GABRA6: variants seen among roughly 807,000 people sequenced by gnomAD.
GABRA6 encodes gamma-aminobutyric acid type A receptor subunit alpha6, also known as gamma-aminobutyric acid receptor subunit alpha-6.
Under a neutral mutation model 47.3 loss-of-function variants are expected in GABRA6, and 45 were observed. The observed-to-expected ratio is 0.95, with a 90% CI of 0.75 to 1.22. The LOEUF (loss-of-function observed/expected upper bound fraction) is 1.22, where lower values mean the gene tolerates loss of function less well. Among genes scored for constraint, GABRA6 ranks in the 50% most tolerant of loss-of-function variants. The pLI, the probability that GABRA6 is intolerant of heterozygous loss-of-function variation, is 0.00. For missense variants in GABRA6, 583 were observed against 549.3 expected, an observed-to-expected ratio of 1.06 and a Z score of -0.61; for synonymous variants, 219 against 194.7, an observed-to-expected ratio of 1.12 and a Z score of -1.04.
At chr5:161,690,100 C>T (rs935929919) in intron 6 of GABRA6, 101 bp from the exon 7 acceptor site, 28 of 1,113,258 alleles carry the variant, frequency 2.5e-5, no homozygotes, top group Non-Finnish European at 3.7e-5. Context: ...TTGTTTTCTT[C>T]CAGTCAATGT....
chr5:161,685,901 A>G lies in GABRA6; in HGVS notation c.-89A>G. 3 of 1,046,152 alleles carry G rather than the reference A, an allele frequency of 2.9e-6. No individual in the cohort carries two copies. The highest frequency in any genetic ancestry group is 4.5e-6 in the Non-Finnish European group (3 of 660,900). 64.8% of individuals were successfully genotyped at this position (1,046,152 alleles called of 1,614,324 possible). On this transcript the variant is annotated 5_prime_UTR_variant, in exon 1 of 9. Transcript: ENST00000274545. ...GGAACAGAGATATGAAGGGTTTGAA[A>G]GATTTCTCCAGTTGATTGGCAGAGA...
intron 3 of GABRA6, 75 bp from the exon 4 acceptor site, chr5:161,688,874 G>C (rs1419157671): frequency 8.1e-7 from 1 of 1,230,394 alleles, no homozygotes; most frequent in Admixed American, 1.7e-5. Context: ...TTGAGATTGG[G>C]TGTATAGGCT....
chr5:161,687,613 G>T (rs1332919443), intron 3 of GABRA6: 1 of 443,766 alleles, frequency 2.3e-6, no homozygotes, highest in African/African-American at 2.0e-5. Context: ...GTGTATCATG[G>T]TATTCTTTTA....
intron 8 of GABRA6, among the ~76,000 whole-genome samples, chr5:161,701,143 G>A (rs754416938): frequency 2.0e-4 from 31 of 152,088 alleles, no homozygotes; most frequent in African/African-American, 7.2e-4. Flanking sequence ...CAAACCCATT[G>A]CCCTACAGAC....
At chr5:161,691,149 C>A (rs1294360791) in intron 7 of GABRA6, among the ~76,000 whole-genome samples, 2 of 151,696 alleles carry the variant, frequency 1.3e-5, no homozygotes, top group African/African-American at 4.8e-5. Context: ...AAATATTATA[C>A]CTTAAAATCT....
chr5:161,694,551 C>T (rs1352867871), intron 8 of GABRA6, among the ~76,000 whole-genome samples: 1 of 152,002 alleles, frequency 6.6e-6, no homozygotes, highest in Non-Finnish European at 1.5e-5. Context: ...TTGATATAAA[C>T]TGTCTCCTAT....
chr5:161,689,056 C>T lies in GABRA6; in HGVS notation c.333C>T (p.Ile111=). The T allele has an allele frequency of 1.2e-6, 2 of 1,614,006 alleles. No homozygotes were observed. Among genetic ancestry groups the T allele is most frequent in the South Asian group, 2.2e-5 (2 of 91,068 alleles). ...TGAATAATTTGATGGTCAGTAAAAT[C>T]TGGACGCCTGACACCTTTTTCAGAA... is the stretch of plus-strand genomic sequence containing the variant. The part of the protein sequence containing the change: ...LSLNNLMVSK[I]WTPDTFFRNG... The change falls in exon 4 of 9, where the codon ATC becomes ATT. Residue 111 remains isoleucine, a synonymous_variant. Coordinates refer to ENST00000274545, the MANE Select transcript of GABRA6 (RefSeq NM_000811.3).
chr5:161,697,009 G>A (rs1481064917), intron 8 of GABRA6, among the ~76,000 whole-genome samples: 1 of 152,150 alleles, frequency 6.6e-6, no homozygotes, highest in African/African-American at 2.4e-5. Flanking sequence ...ATAAAAATCT[G>A]TCTAAATACT....
chr5:161,686,195 C>A, intron 1 of GABRA6, 35 bp from the exon 2 acceptor site: 1 of 1,525,290 alleles, frequency 6.6e-7, no homozygotes, highest in Non-Finnish European at 9.1e-7. Context: ...CTTCTCTGAG[C>A]CTGGGAGTAA....
At chr5:161,687,576 A>G (rs1161856175) in intron 3 of GABRA6, 2 of 453,924 alleles carry the variant, frequency 4.4e-6, no homozygotes, top group Non-Finnish European at 4.4e-6. Flanking sequence ...GTAGCAATGA[A>G]AACTTGAACT....
At chr5:161,701,227 G>A (rs1030265050) in intron 8 of GABRA6, among the ~76,000 whole-genome samples, 1 of 152,126 alleles carries the variant, frequency 6.6e-6, no homozygotes, top group Non-Finnish European at 1.5e-5. Context: ...GCTTACCGTA[G>A]TTCTATGACA....
At chr5:161,692,350 T>C in intron 8 of GABRA6, 150 bp downstream of exon 8, 1 of 885,772 alleles carries the variant, frequency 1.1e-6, no homozygotes, top group East Asian at 2.6e-5. Flanking sequence ...CTGTTCCAAC[T>C]TCACAGAGAA....
intron 1 of GABRA6, 29 bp downstream of exon 1, chr5:161,686,056 C>A (rs776338909): frequency 1.3e-5 from 21 of 1,608,216 alleles, no homozygotes; most frequent in Non-Finnish European, 4.3e-6. Flanking sequence ...CCTGATTTTT[C>A]TTTTTATCTC....
rs1470091634 is a variant in GABRA6, at chr5:161,690,355, T to C, written c.826+2T>C. On this transcript the variant is annotated splice_donor_variant, in intron 7 of 8. Coordinates refer to ENST00000274545, the MANE Select transcript of GABRA6 (RefSeq NM_000811.3). LOFTEE classifies it high-confidence loss of function. ...CCGTCCCAGCAAGAACTGTTTTTGG[T>C]ATATGTCACATTTTGTACTTCACGT... The C allele has an allele frequency of 3.7e-6, 6 of 1,612,734 alleles. No homozygotes were observed. In the African/African-American group the frequency reaches 6.7e-5, roughly 18 times the overall value.
chr5:161,692,685 T>C (rs1754814127), intron 8 of GABRA6, among the ~76,000 whole-genome samples: 1 of 152,228 alleles, frequency 6.6e-6, no homozygotes. Context: ...CTCTGAATGT[T>C]GAGTCATAAC....
At chr5:161,700,814 A>G (rs1754965511) in intron 8 of GABRA6, among the ~76,000 whole-genome samples, 1 of 152,218 alleles carries the variant, frequency 6.6e-6, no homozygotes, top group South Asian at 2.1e-4. Context: ...GAAAGTTCTG[A>G]GCGGGAAGTA....
chr5:161,690,039 C>G, intron 6 of GABRA6, 162 bp from the exon 7 acceptor site: 1 of 723,832 alleles, frequency 1.4e-6, no homozygotes, highest in South Asian at 1.6e-5. Context: ...TCTCTTCGCT[C>G]TATCATCTGC....
chr5:161,687,086 G>A (rs930383931), intron 3 of GABRA6, 83 bp downstream of exon 3: 42 of 1,068,144 alleles, frequency 3.9e-5, no homozygotes, highest in Middle Eastern at 2.2e-4. Context: ...GGGCATTGCC[G>A]CCAAGCTTGG....
rs777268792 is a variant in GABRA6 at position 161,690,230 on chromosome 5, C to G, written c.703C>G (p.His235Asp). The G allele has an allele frequency of 6.2e-7, 1 of 1,613,614 alleles. No individual in the cohort carries two copies. The highest frequency in any genetic ancestry group is 8.5e-7 in the Non-Finnish European group (1 of 1,179,708). Residue 235 changes from histidine to aspartate, a missense_variant, in exon 7 of 9, where the codon CAC becomes GAC. Physicochemically the swap from His to Asp is moderately conservative, Grantham distance 81 (BLOSUM62 -1). Transcript: ENST00000274545. The stretch of plus-strand genomic sequence containing the variant: ...ATACGTTATAATGACAGTTTACTTC[C>G]ACTTGCAAAGGAAGATGGGCTACTT... The part of the protein sequence containing the change: ...GEYVIMTVYF[H>D]LQRKMGYFMI...
Sources: allele counts gnomAD v4.1 joint callset (sites outside exome capture counted in the v4.1 genomes callset), GRCh38; gene constraint gnomAD v4.1.1; transcripts MANE v1.5; gene names NCBI Gene and HGNC (gene_info 2026-07-23, HGNC 2026-07-21).